SLC38A8: variants seen among roughly 807,000 people sequenced by gnomAD.
SLC38A8 encodes amino acid transporter SLC38A8.
A neutral mutation model predicts 46.0 loss-of-function variants in SLC38A8; 65 were observed. That is an observed-to-expected ratio of 1.41 (90% confidence interval 1.16 to 1.74). The LOEUF is 1.74. Among genes scored for constraint, SLC38A8 ranks in the 40% most tolerant of loss-of-function variants. SLC38A8 has a pLI of 0.00. For synonymous variants in SLC38A8, 447 were observed against 243.7 expected, an observed-to-expected ratio of 1.83 and a Z score of -7.77; for missense variants, 998 against 567.9, an observed-to-expected ratio of 1.76 and a Z score of -7.70.
At chr16:84,017,893 G>C (rs976760417) in intron 7 of SLC38A8, among the ~76,000 whole-genome samples, 7 of 152,140 alleles carry the variant, frequency 4.6e-5, no homozygotes, top group Admixed American at 1.3e-4. Context: ...CCTGGCAGTG[G>C]GAACATGTGG....
intron 7 of SLC38A8, among the ~76,000 whole-genome samples, chr16:84,020,708 A>T (rs1405067434): frequency 1.3e-5 from 2 of 152,116 alleles, no homozygotes; most frequent in African/African-American, 4.8e-5. Flanking sequence ...CCCCAAAACC[A>T]TCCTGCCCTT....
At chr16:84,020,472 G>A (rs888084311) in intron 7 of SLC38A8, among the ~76,000 whole-genome samples, 3 of 152,180 alleles carry the variant, frequency 2.0e-5, no homozygotes, top group African/African-American at 4.8e-5. Context: ...TGAAATCTGG[G>A]TGGAGGCTGC....
At chr16:84,028,732 G>T (rs1464001379) in intron 6 of SLC38A8, among the ~76,000 whole-genome samples, 1 of 139,880 alleles carries the variant, frequency 7.1e-6, no homozygotes, top group East Asian at 2.3e-4. Context: ...GTGCCACAGA[G>T]CCCTCTGCAG....
chr16:84,030,482 C>G (rs950185531), intron 5 of SLC38A8, among the ~76,000 whole-genome samples: 2 of 152,004 alleles, frequency 1.3e-5, no homozygotes, highest in African/African-American at 4.8e-5. Flanking sequence ...CCGGACCTCT[C>G]TCTCTGAACT....
At chr16:84,022,596 C>G (rs1176853066) in intron 7 of SLC38A8, among the ~76,000 whole-genome samples, 179 bp downstream of exon 7, 1 of 152,218 alleles carries the variant, frequency 6.6e-6, no homozygotes, top group Non-Finnish European at 1.5e-5. Context: ...ACCTGAGCCT[C>G]AGCTTCCTCA....
At chr16:84,030,076 G>A (rs909087078) in intron 5 of SLC38A8, among the ~76,000 whole-genome samples, 2 of 152,198 alleles carry the variant, frequency 1.3e-5, no homozygotes, top group Non-Finnish European at 2.9e-5. Context: ...TGAAGTCATG[G>A]TGGATTAGGG....
chr16:84,036,757 G>A lies in SLC38A8; in HGVS notation c.333C>T (p.Asn111=). The A allele has an allele frequency of 6.2e-7, 1 of 1,614,218 alleles. No individual in the cohort carries two copies. The highest frequency in any genetic ancestry group is 8.5e-7 in the Non-Finnish European group (1 of 1,180,050). ...GKLCEACFLL[N]LLMISVAFLR... ...GGAAGGCCACGGAGATCATGAGCAG[G>A]TTGAGGAGGAAGCAGGCCTCACACA... The change falls in exon 3 of 11, where the codon AAC becomes AAT. Residue 111 remains asparagine, a synonymous_variant. Coordinates refer to ENST00000299709, the MANE Select transcript of SLC38A8 (RefSeq NM_001080442.3).
intron 6 of SLC38A8, among the ~76,000 whole-genome samples, chr16:84,025,458 GTCC>G (rs762243231): frequency 5.3e-5 from 8 of 152,152 alleles, no homozygotes; most frequent in Non-Finnish European, 1.2e-4. Context: ...CACAGCCCGT[GTCC>G]TCAACACGAG....
intron 10 of SLC38A8, 90 bp from the exon 11 acceptor site, chr16:84,009,967 A>C: frequency 2.0e-6 from 2 of 992,036 alleles, no homozygotes; most frequent in Non-Finnish European, 2.9e-6. Flanking sequence ...TGTAGAGCCC[A>C]GTATGGAGTC....
At position 84,009,738 on chromosome 16, in the gene SLC38A8, G is replaced by C. The variant is rs79191732; in HGVS notation, c.*46C>G. 3 of 1,553,590 alleles carry C rather than the reference G, an allele frequency of 1.9e-6. No homozygotes were observed. Among genetic ancestry groups the C allele is most frequent in the Non-Finnish European group, 2.6e-6 (3 of 1,136,470 alleles). On this transcript the variant is annotated 3_prime_UTR_variant, in exon 11 of 11. Transcript: ENST00000299709. ...CCTGGCTGCATACAGCAGCCACGTA[G>C]GGTCAGCCCCCGGAGGGCCCCTTCC...
chr16:84,018,222 CCT>C (rs2085054496), intron 7 of SLC38A8, among the ~76,000 whole-genome samples: 2 of 124,446 alleles, frequency 1.6e-5, no homozygotes, highest in African/African-American at 6.6e-5. Context: ...AGCCCTCATT[CCT>C]TTTTTTTTTT....
intron 5 of SLC38A8, among the ~76,000 whole-genome samples, chr16:84,031,511 C>T (rs2085237751): frequency 6.6e-6 from 1 of 152,234 alleles, no homozygotes; most frequent in South Asian, 2.1e-4. Context: ...CTTGGCCACA[C>T]CGGCCTCCTC....
intron 3 of SLC38A8, among the ~76,000 whole-genome samples, chr16:84,035,370 T>A (rs530115898): frequency 1.7e-4 from 26 of 152,188 alleles, no homozygotes; most frequent in Non-Finnish European, 3.4e-4. Flanking sequence ...GTCAGGGGCC[T>A]TTTGCTTCAT....
At position 84,027,365 on chromosome 16, in the gene SLC38A8, A is replaced by C. The variant is rs550062779; in HGVS notation, c.690+2129T>G. Among the ~76,000 whole-genome samples the C allele has an allele frequency of 4.8e-4, 70 of 147,312 alleles. No individual in the cohort carries two copies. In the South Asian group the frequency reaches 0.013, roughly 27 times the overall value. On this transcript the variant is annotated intron_variant, in intron 6 of 10. Transcript: ENST00000299709. The stretch of plus-strand genomic sequence containing the variant: ...TCTGCCACAAAAGCAAAATTAAAAC[A>C]AACAAACAAACAAACAAACAAACAC...
chr16:84,009,997 A>G, intron 10 of SLC38A8, 120 bp from the exon 11 acceptor site: 1 of 735,268 alleles, frequency 1.4e-6, no homozygotes, highest in Non-Finnish European at 2.1e-6. Context: ...GAAAAAAGAA[A>G]AATTCAGAAT....
At chr16:84,019,923 G>A (rs893737799) in intron 7 of SLC38A8, among the ~76,000 whole-genome samples, 1 of 152,264 alleles carries the variant, frequency 6.6e-6, no homozygotes, top group African/African-American at 2.4e-5. Context: ...GACACACTGA[G>A]GCAACCCCAC....
At chr16:84,014,040 G>C (rs1462148774) in intron 9 of SLC38A8, among the ~76,000 whole-genome samples, 1 of 151,486 alleles carries the variant, frequency 6.6e-6, no homozygotes, top group Non-Finnish European at 1.5e-5. Flanking sequence ...CTGAGGGAAG[G>C]GCTGTGTGAC....
intron 5 of SLC38A8, among the ~76,000 whole-genome samples, chr16:84,030,003 G>T (rs1257710791): frequency 6.6e-6 from 1 of 152,194 alleles, no homozygotes; most frequent in Non-Finnish European, 1.5e-5. Context: ...AGCCTCTTGG[G>T]ATCCCCGCCT....
chr16:84,023,941 C>T (rs573580632), intron 6 of SLC38A8, among the ~76,000 whole-genome samples: 2 of 152,260 alleles, frequency 1.3e-5, no homozygotes, highest in South Asian at 2.1e-4. Flanking sequence ...TTAATGGATG[C>T]GAAGTCCAAG....
Sources: allele counts gnomAD v4.1 joint callset (sites outside exome capture counted in the v4.1 genomes callset), GRCh38; gene constraint gnomAD v4.1.1; transcripts MANE v1.5; gene names NCBI Gene and HGNC (gene_info 2026-07-23, HGNC 2026-07-21).